Variants in SYT1 observed in about 807,000 individuals in gnomAD.
SYT1 encodes the protein synaptotagmin 1.
A neutral mutation model predicts 44.8 loss-of-function variants in SYT1; 8 were observed. That is an observed-to-expected ratio of 0.18 (90% confidence interval 0.10 to 0.32). SYT1 has a LOEUF of 0.32. Among genes scored for constraint, SYT1 ranks in the 10% least tolerant of loss-of-function variants. The probability of loss-of-function intolerance (pLI) is 1.00; values close to 1 mark genes in which losing one functional copy is unlikely to be tolerated. For missense variants in SYT1, 286 were observed against 509.3 expected, an observed-to-expected ratio of 0.56 and a Z score of 4.22; for synonymous variants, 154 against 188.8, an observed-to-expected ratio of 0.82 and a Z score of 1.51.
chr12:79,059,463 A>G (rs939504402), intron 3 of SYT1, among the ~76,000 whole-genome samples: 2 of 152,122 alleles, frequency 1.3e-5, no homozygotes, highest in Non-Finnish European at 2.9e-5. Flanking sequence ...AGTAAATTTT[A>G]AGAGTTACCT....
chr12:78,884,819 G>A (rs1206410841), intron 1 of SYT1, among the ~76,000 whole-genome samples: 1 of 151,642 alleles, frequency 6.6e-6, no homozygotes, highest in Non-Finnish European at 1.5e-5. Context: ...GAAAAAATAT[G>A]GAATCTGTCT....
At position 79,179,425 on chromosome 12, in the gene SYT1, T is replaced by G. The variant is rs113372080; in HGVS notation, c.-17-38078T>G. ...ATATAGATATAGATATAGATATATC[T>G]ATATAGATATATCCATATAGATATA... On this transcript the variant is annotated intron_variant, in intron 3 of 10. Transcript: ENST00000261205. Among the ~76,000 whole-genome samples, 82 of 43,818 alleles carry G rather than the reference T, an allele frequency of 1.9e-3. 4 individuals are homozygous for G. Among genetic ancestry groups the G allele is most frequent in the African/African-American group, 8.8e-3 (66 of 7,540 alleles). The allele number at this position is 43,818 out of a possible 152,430, so 28.7% of individuals were successfully genotyped here.
intron 5 of SYT1, among the ~76,000 whole-genome samples, chr12:79,286,934 T>C (rs1044302540): frequency 6.6e-6 from 1 of 152,168 alleles, no homozygotes; most frequent in Non-Finnish European, 1.5e-5. Flanking sequence ...GCAAAATATA[T>C]AAGCAGTTTT....
At chr12:78,911,488 A>G (rs1355561791) in intron 1 of SYT1, among the ~76,000 whole-genome samples, 1 of 151,110 alleles carries the variant, frequency 6.6e-6, no homozygotes. Context: ...AAGCTGATAG[A>G]GGAAAGACTA....
chr12:79,447,750 A>ATT (rs1264135499), intron 10 of SYT1, among the ~76,000 whole-genome samples: 5 of 152,152 alleles, frequency 3.3e-5, no homozygotes, highest in Non-Finnish European at 5.9e-5. Context: ...CGTTTTATTG[A>ATT]CAATGTGTTG....
intron 1 of SYT1, among the ~76,000 whole-genome samples, chr12:78,925,117 T>G (rs986053931): frequency 3.3e-5 from 5 of 152,096 alleles, no homozygotes; most frequent in South Asian, 2.1e-4. Flanking sequence ...TATCTAGCTA[T>G]CCATCTTAAA....
rs1057092191 is a variant in SYT1 at position 79,354,421 on chromosome 12, A to G, written c.928+802A>G. The stretch of plus-strand genomic sequence containing the variant: ...TGTTTGTGGCTGTGGAATTACAACT[A>G]ACATTACTGGTTATTCAACACTTTC... On this transcript the variant is annotated intron_variant, in intron 9 of 10. Coordinates refer to ENST00000261205, the MANE Select transcript of SYT1 (RefSeq NM_005639.3). 1.1e-4 allele frequency among the ~76,000 whole-genome samples: 16 copies of G among 152,220 alleles called. No individual in the cohort carries two copies. The South Asian group carries it at 1.2e-3, about 12-fold the overall frequency.
chr12:79,065,516 C>CTCATT (rs1436077220), intron 3 of SYT1, among the ~76,000 whole-genome samples: 1 of 152,112 alleles, frequency 6.6e-6, no homozygotes, highest in African/African-American at 2.4e-5. Context: ...AGCTGATATT[C>CTCATT]TCATTTTCTT....
chr12:79,407,302 T>G (rs905155413), intron 9 of SYT1, among the ~76,000 whole-genome samples: 2 of 151,990 alleles, frequency 1.3e-5, no homozygotes, highest in African/African-American at 2.4e-5. Context: ...GAAAGGAAAA[T>G]AGACTCATAA....
intron 5 of SYT1, among the ~76,000 whole-genome samples, chr12:79,290,778 A>G (rs949252322): frequency 2.0e-5 from 3 of 152,228 alleles, no homozygotes; most frequent in Non-Finnish European, 4.4e-5. Flanking sequence ...GAAATCATCA[A>G]AATACAAAGA....
intron 8 of SYT1, among the ~76,000 whole-genome samples, chr12:79,327,536 T>C (rs566054900): frequency 1.2e-4 from 19 of 152,240 alleles, no homozygotes; most frequent in Non-Finnish European, 2.8e-4. Context: ...CTATGTTCTG[T>C]AGCTTCTGCA....
chr12:79,052,815 T>A, intron 3 of SYT1, among the ~76,000 whole-genome samples: 1 of 152,100 alleles, frequency 6.6e-6, no homozygotes, highest in East Asian at 1.9e-4. Flanking sequence ...AGATACCATC[T>A]CACACCAGTT....
At chr12:79,441,507 G>T (rs1347168302) in intron 9 of SYT1, among the ~76,000 whole-genome samples, 1 of 152,010 alleles carries the variant, frequency 6.6e-6, no homozygotes, top group Non-Finnish European at 1.5e-5. Flanking sequence ...TAGAGATGGG[G>T]TCTCACCATG....
intron 8 of SYT1, among the ~76,000 whole-genome samples, chr12:79,307,025 T>A (rs1052255688): frequency 8.5e-5 from 13 of 152,246 alleles, no homozygotes; most frequent in African/African-American, 3.1e-4. Flanking sequence ...GTTCATCATA[T>A]GCTTGGGAGC....
At chr12:79,109,044 G>A (rs888965463) in intron 3 of SYT1, among the ~76,000 whole-genome samples, 1 of 152,128 alleles carries the variant, frequency 6.6e-6, no homozygotes, top group African/African-American at 2.4e-5. Context: ...AGGAAAAGAG[G>A]GAAAACAGGG....
At chr12:78,881,374 A>C (rs997918444) in intron 1 of SYT1, among the ~76,000 whole-genome samples, 1 of 151,708 alleles carries the variant, frequency 6.6e-6, no homozygotes, top group African/African-American at 2.4e-5. Context: ...TTCCAGCATT[A>C]CATTTGTCAT....
At chr12:79,164,868 T>C (rs1035781355) in intron 3 of SYT1, among the ~76,000 whole-genome samples, 4 of 152,184 alleles carry the variant, frequency 2.6e-5, no homozygotes, top group South Asian at 2.1e-4. Context: ...TAAATTTCTG[T>C]TGAGGGAGAT....
intron 2 of SYT1, among the ~76,000 whole-genome samples, chr12:79,034,460 G>A (rs1388890159): frequency 6.6e-6 from 1 of 151,490 alleles, no homozygotes; most frequent in African/African-American, 2.4e-5. Context: ...AGACTTTTTT[G>A]CAAGAGAAAA....
At chr12:78,945,148 C>T (rs1878582477) in intron 1 of SYT1, among the ~76,000 whole-genome samples, 1 of 152,128 alleles carries the variant, frequency 6.6e-6, no homozygotes, top group Non-Finnish European at 1.5e-5. Flanking sequence ...ATAGACAAAA[C>T]TGAACTTATA....
Sources: allele counts gnomAD v4.1 joint callset (sites outside exome capture counted in the v4.1 genomes callset), GRCh38; gene constraint gnomAD v4.1.1; transcripts MANE v1.5; gene names NCBI Gene and HGNC (gene_info 2026-07-23, HGNC 2026-07-21).